The following BRD10 variants were observed in gnomAD, a reference collection of about 807,000 sequenced individuals.
The protein encoded by BRD10 is uncharacterized bromodomain-containing protein 10.
the BRD10 span, chr9:6,007,944 G>T: frequency 1.5e-6 from 2 of 1,327,468 alleles, no homozygotes; most frequent in South Asian, 2.0e-5. Context: ...CGGTGCGCGC[G>T]GGGGTCTTGA....
the BRD10 span, among the ~76,000 whole-genome samples, chr9:5,967,749 G>C: frequency 6.8e-6 from 1 of 146,286 alleles, no homozygotes; most frequent in African/African-American, 2.5e-5. Context: ...AATTGGTCCA[G>C]AGAAAGGTAA....
At chr9:5,939,366 G>C in the BRD10 span, among the ~76,000 whole-genome samples, 1 of 151,920 alleles carries the variant, frequency 6.6e-6, no homozygotes, top group African/African-American at 2.4e-5. Context: ...AATATCTTCA[G>C]TTAAGAACAT....
At chr9:5,968,965 A>G in the BRD10 span, 3 of 1,610,344 alleles carry the variant, frequency 1.9e-6, no homozygotes, top group Admixed American at 3.4e-5. Context: ...TTTGGTAAAA[A>G]GGTAGTTCGT....
At chr9:5,901,653 G>T in the BRD10 span, among the ~76,000 whole-genome samples, 26 of 151,968 alleles carry the variant, frequency 1.7e-4, no homozygotes, top group African/African-American at 6.0e-4. Flanking sequence ...CAAGTAGCTG[G>T]GACCACAGGT....
At chr9:5,966,695 T>G in the BRD10 span, among the ~76,000 whole-genome samples, 3 of 152,100 alleles carry the variant, frequency 2.0e-5, no homozygotes, top group East Asian at 5.8e-4. Flanking sequence ...CCCGACCTCA[T>G]GATCTGCCCC....
chr9:5,958,812 A>G, the BRD10 span, among the ~76,000 whole-genome samples: 1 of 152,142 alleles, frequency 6.6e-6, no homozygotes, highest in Non-Finnish European at 1.5e-5. Context: ...ACTCAAGGGT[A>G]TTTGTATTAT....
At chr9:5,996,096 G>A in the BRD10 span, among the ~76,000 whole-genome samples, 1 of 152,236 alleles carries the variant, frequency 6.6e-6, no homozygotes, top group Non-Finnish European at 1.5e-5. Flanking sequence ...TAAAGGCGGG[G>A]GGTTCAAGAT....
the BRD10 span, chr9:5,920,258 A>G: frequency 1.9e-6 from 3 of 1,614,006 alleles, no homozygotes; most frequent in Admixed American, 1.7e-5. Context: ...ATTAGTAGAT[A>G]TAAGGAGAAC....
the BRD10 span, among the ~76,000 whole-genome samples, chr9:5,934,810 A>G: frequency 6.6e-6 from 1 of 152,234 alleles, no homozygotes; most frequent in Admixed American, 6.5e-5. Flanking sequence ...ATCACTAACT[A>G]TATCCAAAGG....
At chr9:5,916,544 A>C in the BRD10 span, among the ~76,000 whole-genome samples, 1 of 150,266 alleles carries the variant, frequency 6.7e-6, no homozygotes, top group Non-Finnish European at 1.5e-5. Context: ...TGTATATATA[A>C]AACTAATCAC....
At chr9:5,901,039 A>G in the BRD10 span, among the ~76,000 whole-genome samples, 3 of 152,164 alleles carry the variant, frequency 2.0e-5, no homozygotes, top group Admixed American at 6.6e-5. Flanking sequence ...TCTATATTTT[A>G]AAATGTACAC....
chr9:5,921,897 TC>T, the BRD10 span: 1 of 1,613,970 alleles, frequency 6.2e-7, no homozygotes, highest in Non-Finnish European at 8.5e-7. Flanking sequence ...TTGAGATTTT[TC>T]CCCATGGATG....
At chr9:5,942,225 T>C in the BRD10 span, among the ~76,000 whole-genome samples, 1 of 152,050 alleles carries the variant, frequency 6.6e-6, no homozygotes, top group Admixed American at 6.5e-5. Context: ...AACAATATTG[T>C]TATTCATAAC....
the BRD10 span, chr9:5,969,442 G>T: frequency 6.7e-7 from 1 of 1,502,748 alleles, no homozygotes; most frequent in Non-Finnish European, 8.9e-7. Context: ...GAAGCCTAAA[G>T]AAATTTAACA....
At chr9:5,996,121 C>T in the BRD10 span, among the ~76,000 whole-genome samples, 1 of 151,932 alleles carries the variant, frequency 6.6e-6, no homozygotes, top group African/African-American at 2.4e-5. Flanking sequence ...ATTTAGGAGC[C>T]CTTAGTGGTA....
At chr9:5,975,018 C>G in the BRD10 span, among the ~76,000 whole-genome samples, 1 of 152,098 alleles carries the variant, frequency 6.6e-6, no homozygotes, top group Non-Finnish European at 1.5e-5. Flanking sequence ...CCAGCGCTCA[C>G]CAAGGTAAAA....
the BRD10 span, chr9:5,920,116 T>C: frequency 6.2e-7 from 1 of 1,613,818 alleles, no homozygotes; most frequent in South Asian, 1.1e-5. Context: ...TAGGGCTTCT[T>C]AGAGGATGTT....
the BRD10 span, among the ~76,000 whole-genome samples, chr9:5,978,173 G>A: frequency 6.6e-6 from 1 of 151,836 alleles, no homozygotes; most frequent in African/African-American, 2.4e-5. Flanking sequence ...TGGCATGTTT[G>A]CCTGTTACTC....
chr9:5,934,959 C>T, the BRD10 span, among the ~76,000 whole-genome samples: 1 of 152,074 alleles, frequency 6.6e-6, no homozygotes, highest in Non-Finnish European at 1.5e-5. Context: ...AAGTATTCAC[C>T]TATTTTTCTT....
Sources: gnomAD v4.1 joint callset for allele counts (sites outside exome capture counted in the v4.1 genomes callset) on GRCh38, gnomAD v4.1.1 for gene constraint, MANE v1.5 for transcripts, NCBI Gene and HGNC (gene_info 2026-07-23, HGNC 2026-07-21) for gene names.